The following MED19 variants were observed in gnomAD, a reference collection of about 807,000 sequenced individuals.
MED19 encodes the protein mediator complex subunit 19, also known as mediator of RNA polymerase II transcription subunit 19.
In MED19, 4 loss-of-function variants were observed where a neutral mutation model predicts 19.9. That is an observed-to-expected ratio of 0.20 (90% CI 0.10 to 0.46). The LOEUF (loss-of-function observed/expected upper bound fraction) is 0.46. Ranked by LOEUF, MED19 falls within the 20% of genes least tolerant of loss-of-function variation. The pLI is 0.99. For synonymous variants in MED19, 139 were observed against 119.6 expected (o/e 1.16, Z -1.06); for missense variants, 303 against 318.7 (o/e 0.95, Z 0.38).
intron 1 of MED19, among the ~76,000 whole-genome samples, chr11:57,709,254 G>A (rs1460482500): frequency 6.6e-6 from 1 of 152,052 alleles, no homozygotes; most frequent in Non-Finnish European, 1.5e-5. Flanking sequence ...GGTGGCACAT[G>A]CCTGTAATCC....
chr11:57,705,995 C>CTT lies in MED19; in HGVS notation c.218-768_218-767dup, dbSNP rs761219613. Among the ~76,000 whole-genome samples the CTT allele has an allele frequency of 2.0e-3, 282 of 143,780 alleles. 3 individuals carry two copies. Among genetic ancestry groups the CTT allele is most frequent in the Admixed American group, 0.015 (218 of 14,378 alleles). The allele number at this position is 143,780 out of a possible 152,430, so 94.3% of individuals were successfully genotyped here. A position where few individuals can be genotyped will look rare whatever the true frequency, so the allele number is the denominator to read the frequency against. Reference sequence around the variant, plus strand: ...AGTGACTTAAGGGTCTTGTCAAGGACTTTTTTTTTTTTTTACTAGCAAGAA... The same window carrying CTT: ...AGTGACTTAAGGGTCTTGTCAAGGACTTTTTTTTTTTTTTTTACTAGCAAGAA... On this transcript the variant is annotated intron_variant, in intron 1 of 4. Transcript: ENST00000431606.
chr11:57,711,454 A>G (rs1018255626), intron 1 of MED19, among the ~76,000 whole-genome samples: 66 of 152,152 alleles, frequency 4.3e-4, no homozygotes, highest in African/African-American at 1.4e-3. Context: ...CCGGGGTTCA[A>G]ACGATTCTCC....
At chr11:57,711,151 C>T (rs1946583826) in intron 1 of MED19, among the ~76,000 whole-genome samples, 1 of 152,196 alleles carries the variant, frequency 6.6e-6, no homozygotes, top group Admixed American at 6.5e-5. Context: ...GTGCTTGGTA[C>T]ATAGGTACTC....
chr11:57,707,456 A>G (rs567011513), intron 1 of MED19, among the ~76,000 whole-genome samples: 2 of 152,294 alleles, frequency 1.3e-5, no homozygotes, highest in South Asian at 2.1e-4. Flanking sequence ...GGCACAGACA[A>G]TGTCTTGTTC....
intron 1 of MED19, among the ~76,000 whole-genome samples, chr11:57,706,454 G>C (rs1039218736): frequency 2.6e-5 from 4 of 152,026 alleles, no homozygotes; most frequent in African/African-American, 9.7e-5. Context: ...CACGCATCCA[G>C]GAAGAAATGT....
intron 1 of MED19, 79 bp from the exon 2 acceptor site, chr11:57,705,308 AAT>A: frequency 6.9e-7 from 1 of 1,448,732 alleles, no homozygotes; most frequent in East Asian, 2.3e-5. Context: ...TATTAACCTA[AAT>A]AAGACATTTT....
At chr11:57,704,478 C>T in intron 3 of MED19, 82 bp from the exon 4 acceptor site, 2 of 1,548,232 alleles carry the variant, frequency 1.3e-6, no homozygotes, top group Non-Finnish European at 1.7e-6. Context: ...ACAGGAAAAT[C>T]CCAAGTCGGG....
chr11:57,703,734 T>G (rs1946475387), exon 5 of MED19: 2 of 297,448 alleles, frequency 6.7e-6, no homozygotes, highest in South Asian at 1.9e-4. Context: ...GTAATTTTTT[T>G]TTTTTTAAAG....
At chr11:57,704,329 C>T (rs1359075330) in exon 4 of MED19, 75 of 1,535,364 alleles carry the variant, frequency 4.9e-5, no homozygotes, top group Non-Finnish European at 5.9e-5. Context: ...CTTTCTTCTT[C>T]CTTTTCCGTT....
exon 5 of MED19, chr11:57,703,942 C>T (rs1205718270): frequency 2.0e-6 from 3 of 1,486,118 alleles, no homozygotes; most frequent in South Asian, 1.3e-5. Flanking sequence ...CTGCAGGATG[C>T]TCCCAAGGCA....
chr11:57,705,628 T>C (rs533713287), intron 1 of MED19, among the ~76,000 whole-genome samples: 2 of 143,068 alleles, frequency 1.4e-5, no homozygotes, highest in East Asian at 4.1e-4. Context: ...CACTCCAGCC[T>C]GGACAACAGC....
chr11:57,709,813 A>C (rs1207925799), intron 1 of MED19, among the ~76,000 whole-genome samples: 1 of 152,134 alleles, frequency 6.6e-6, no homozygotes, highest in Non-Finnish European at 1.5e-5. Flanking sequence ...CTCCCACCTC[A>C]GCCTCCCAAA....
In MED19 at chr11:57,705,075, G is replaced by A. The variant is rs368622192; in HGVS notation, c.372C>T (p.Asn124=). 8 of 1,614,040 alleles carry A rather than the reference G, an allele frequency of 5.0e-6. No homozygotes were observed. In the African/African-American group the frequency reaches 9.3e-5, roughly 19 times the overall value. Reference sequence around the variant, plus strand: ...TCTCAATGAGAGAGCGGAGGCTGCTGTTATCATGGGAACCAGGCAGATCAA... The same window carrying A: ...TCTCAATGAGAGAGCGGAGGCTGCTATTATCATGGGAACCAGGCAGATCAA... Residue 124 remains asparagine, a synonymous_variant, in exon 2 of 5, where the codon AAC becomes AAT. Coordinates refer to ENST00000431606, the Ensembl canonical transcript of MED19.
At chr11:57,705,059 G>C (rs1195832011) in exon 2 of MED19, 1 of 1,614,100 alleles carries the variant, frequency 6.2e-7, no homozygotes, top group East Asian at 2.2e-5. Context: ...TTCTCAATGA[G>C]AGAGCGGAGG....
intron 1 of MED19, among the ~76,000 whole-genome samples, chr11:57,711,403 A>G (rs1288299377): frequency 6.6e-6 from 1 of 152,162 alleles, no homozygotes; most frequent in East Asian, 1.9e-4. Flanking sequence ...CCCAGGCTGG[A>G]GTGCAGTGGA....
intron 3 of MED19, 37 bp downstream of exon 3, chr11:57,704,669 GTTTTTTTTTTTTT>G (rs34198151): frequency 7.0e-6 from 9 of 1,287,748 alleles, no homozygotes; most frequent in Non-Finnish European, 8.2e-6. Flanking sequence ...AGAAGGTCAG[GTTTTTTTTTTTTT>G]TTTTTTTTTT....
rs1046290760 is a variant in MED19, at chr11:57,712,199, C to A, written c.-20G>T. On this transcript the variant is annotated 5_prime_UTR_variant, in exon 1 of 5. Coordinates refer to ENST00000431606, the Ensembl canonical transcript of MED19. ...CTCCATCGTACCCTCCGCCCCGGCG[C>A]TGTCTCCGTGTCTGCCGTTGGTAAT... 9 of 1,506,370 alleles carry A rather than the reference C, an allele frequency of 6.0e-6. No homozygotes were observed. In the East Asian group the frequency reaches 1.9e-4, roughly 31 times the overall value. 93.3% of individuals were successfully genotyped at this position (1,506,370 alleles called of 1,614,324 possible). A position where few individuals can be genotyped will look rare whatever the true frequency, so the allele number is the denominator to read the frequency against.
chr11:57,704,040 A>G, exon 5 of MED19: 1 of 1,536,128 alleles, frequency 6.5e-7, no homozygotes, highest in South Asian at 1.2e-5. Flanking sequence ...TGGTCCTATT[A>G]GCGTAGGCTG....
At position 57,704,520 on chromosome 11, in the gene MED19, A is replaced by G. The variant is rs1446906481; in HGVS notation, c.572-124T>C. On this transcript the variant is annotated intron_variant, in intron 3 of 4. Coordinates refer to ENST00000431606, the Ensembl canonical transcript of MED19. ...GCTTTTGTCCAAATGGCCAGAAAGG[A>G]TACAGAGGTGCTGCTAGAGTCCCTG... 8 of 1,584,390 alleles carry G rather than the reference A, an allele frequency of 5.0e-6. No individual in the cohort carries two copies. The South Asian group carries it at 9.4e-5, about 19-fold the overall frequency.
Sources: gnomAD v4.1 joint callset for allele counts (sites outside exome capture counted in the v4.1 genomes callset) on GRCh38, gnomAD v4.1.1 for gene constraint, MANE v1.5 for transcripts, NCBI Gene and HGNC (gene_info 2026-07-23, HGNC 2026-07-21) for gene names.